Variants in EDC3 observed in about 807,000 individuals in gnomAD.
EDC3 encodes enhancer of mRNA-decapping protein 3.
Under a neutral mutation model 41.8 loss-of-function variants are expected in EDC3, and 20 were observed. That is an observed-to-expected ratio of 0.48 (90% CI 0.34 to 0.70). The LOEUF is 0.70. Ranked by LOEUF, EDC3 falls within the 30% of genes least tolerant of loss-of-function variation. EDC3 has a pLI of 0.01. For synonymous variants in EDC3, 206 were observed against 243.2 expected (o/e 0.85, Z 1.42); for missense variants, 444 against 636.8 (o/e 0.70, Z 3.26).
chr15:74,643,550 G>C (rs931018931), intron 4 of EDC3: 1 of 152,236 alleles, frequency 6.6e-6, no homozygotes, highest in African/African-American at 2.4e-5. Context: ...TCGGACCATG[G>C]GACGCAGTGG....
chr15:74,652,052 A>G (rs1296580889), intron 4 of EDC3, among the ~76,000 whole-genome samples: 1 of 152,196 alleles, frequency 6.6e-6, no homozygotes, highest in Non-Finnish European at 1.5e-5. Flanking sequence ...AGAGAATATC[A>G]TACCTGCATA....
At chr15:74,637,010 T>C (rs2062282037) in intron 5 of EDC3, 1 of 152,228 alleles carries the variant, frequency 6.6e-6, no homozygotes, top group Non-Finnish European at 1.5e-5. Flanking sequence ...GGCTGGACTG[T>C]GTACCAGCAG....
intron 1 of EDC3, among the ~76,000 whole-genome samples, chr15:74,693,800 A>G (rs933580617): frequency 1.3e-5 from 2 of 152,102 alleles, no homozygotes; most frequent in African/African-American, 4.8e-5. Context: ...CCCGGCCAAC[A>G]TGGTGAAACC....
intron 3 of EDC3, among the ~76,000 whole-genome samples, chr15:74,659,480 A>C (rs1393177436): frequency 2.0e-5 from 1 of 48,998 alleles, no homozygotes; most frequent in Non-Finnish European, 3.7e-5. Flanking sequence ...AATAAATAAA[A>C]AATAGAAATA....
chr15:74,660,629 G>A (rs576003718), intron 3 of EDC3, among the ~76,000 whole-genome samples: 14 of 151,990 alleles, frequency 9.2e-5, no homozygotes, highest in African/African-American at 3.4e-4. Flanking sequence ...AAAAGAATAA[G>A]GATTATCAAC....
chr15:74,666,148 G>A (rs1246034535), intron 3 of EDC3, among the ~76,000 whole-genome samples: 1 of 152,120 alleles, frequency 6.6e-6, no homozygotes, highest in East Asian at 1.9e-4. Context: ...CAATATCAAT[G>A]TACATAAACT....
Position 74,648,912 on chromosome 15 carries a change from G to A in EDC3, c.820+6821C>T, listed in dbSNP as rs574113740. On this transcript the variant is annotated intron_variant, in intron 4 of 6. Transcript: ENST00000315127. Reference sequence around the variant, plus strand: ...GAGAATTTATTACAACAGAGGGAAGGAAGAATTCTAGTCATTTTTTTTAAA... The same window carrying A: ...GAGAATTTATTACAACAGAGGGAAGAAAGAATTCTAGTCATTTTTTTTAAA... Among the ~76,000 whole-genome samples the A allele has an allele frequency of 4.9e-4, 75 of 152,224 alleles. 1 individual carries two copies. Among genetic ancestry groups the A allele is most frequent in the African/African-American group, 1.7e-3 (71 of 41,538 alleles).
rs761809463 is a variant in EDC3 at position 74,640,540 on chromosome 15, G to T, written c.900C>A (p.Thr300=). 2.2e-5 allele frequency: 35 copies of T among 1,614,040 alleles called. No individual in the cohort carries two copies. The highest frequency in any genetic ancestry group is 1.6e-4 in the Middle Eastern group (1 of 6,084). ...CTGTCATCTCCAGTCTCCGCTCAAG[G>T]GTCAGCCCATGCTTCTCAGCCACGG... The part of the protein sequence containing the change: ...LLSVAEKHGL[T]LERRLEMTGV... The change falls in exon 5 of 7, where the codon ACC becomes ACA. Residue 300 remains threonine, a synonymous_variant. Transcript: ENST00000315127.
At chr15:74,686,106 C>G (rs780038985) in intron 1 of EDC3, among the ~76,000 whole-genome samples, 3 of 152,148 alleles carry the variant, frequency 2.0e-5, no homozygotes, top group Non-Finnish European at 4.4e-5. Flanking sequence ...GCAGGTGGAT[C>G]ACAAGGTCAG....
chr15:74,669,511 C>CAAAAA (rs58880243), intron 3 of EDC3, among the ~76,000 whole-genome samples: 1 of 135,896 alleles, frequency 7.4e-6, no homozygotes, highest in East Asian at 2.1e-4. Context: ...GGCTCCATCT[C>CAAAAA]AAAAAAAAAA....
At chr15:74,650,796 G>A (rs904458619) in intron 4 of EDC3, among the ~76,000 whole-genome samples, 2 of 152,022 alleles carry the variant, frequency 1.3e-5, no homozygotes, top group Non-Finnish European at 2.9e-5. Flanking sequence ...TCAGGAATTC[G>A]AGACCAGCCT....
At chr15:74,642,370 T>C (rs1469671902) in intron 4 of EDC3, 2 of 152,198 alleles carry the variant, frequency 1.3e-5, no homozygotes, top group Non-Finnish European at 2.9e-5. Context: ...ATGTCAGTCA[T>C]TGGTATCTCA....
chr15:74,639,662 C>A (rs1220854659), intron 5 of EDC3: 1 of 150,978 alleles, frequency 6.6e-6, no homozygotes, highest in Non-Finnish European at 1.5e-5. Context: ...TTGCAGTGAG[C>A]TGAGATTGTG....
chr15:74,633,737 T>G (rs1207545128), intron 6 of EDC3, among the ~76,000 whole-genome samples: 1 of 152,128 alleles, frequency 6.6e-6, no homozygotes, highest in African/African-American at 2.4e-5. Context: ...AGGAAAACTT[T>G]TGGGCAGCAA....
chr15:74,665,183 C>T (rs543868075), intron 3 of EDC3, among the ~76,000 whole-genome samples: 72 of 152,268 alleles, frequency 4.7e-4, no homozygotes, highest in African/African-American at 1.6e-3. Flanking sequence ...CACCACCAGG[C>T]CCAGCTAATT....
intron 1 of EDC3, among the ~76,000 whole-genome samples, chr15:74,681,512 A>C (rs1223105060): frequency 6.6e-6 from 1 of 152,184 alleles, no homozygotes; most frequent in Non-Finnish European, 1.5e-5. Flanking sequence ...AGACTTACAC[A>C]ATTATGATAA....
intron 4 of EDC3, among the ~76,000 whole-genome samples, chr15:74,646,466 C>T (rs2062420393): frequency 1.3e-5 from 2 of 152,190 alleles, no homozygotes; most frequent in East Asian, 1.9e-4. Context: ...ATCCTGAGCA[C>T]GAGTGCAAAG....
At chr15:74,650,073 A>C (rs932382273) in intron 4 of EDC3, among the ~76,000 whole-genome samples, 2 of 152,146 alleles carry the variant, frequency 1.3e-5, no homozygotes, top group African/African-American at 4.8e-5. Context: ...TCAATGGTCT[A>C]AATCCCTAGT....
rs554335497 is a variant in EDC3, at chr15:74,669,048, C to T, written c.484+2407G>A. Reference sequence around the variant, plus strand: ...GTCATGAGTTCGAAATCAGCTTGGGCAACATGGCATTATCCCATCTCTACT... The same window carrying T: ...GTCATGAGTTCGAAATCAGCTTGGGTAACATGGCATTATCCCATCTCTACT... On this transcript the variant is annotated intron_variant, in intron 3 of 6. Transcript: ENST00000315127. 6.6e-5 allele frequency among the ~76,000 whole-genome samples: 10 copies of T among 152,078 alleles called. No individual in the cohort carries two copies. The South Asian group carries it at 2.1e-3, about 32-fold the overall frequency.
Sources: gnomAD v4.1 joint callset for allele counts (sites outside exome capture counted in the v4.1 genomes callset) on GRCh38, gnomAD v4.1.1 for gene constraint, MANE v1.5 for transcripts, NCBI Gene and HGNC (gene_info 2026-07-23, HGNC 2026-07-21) for gene names.